The following SLC23A2 variants were observed in gnomAD, a reference collection of about 807,000 sequenced individuals.
SLC23A2 encodes the protein Na(+)/L-ascorbic acid transporter 2.
SLC23A2 carries 36 observed loss-of-function variants against 73.3 expected under a neutral mutation model. That is an observed-to-expected ratio of 0.49 (90% CI 0.38 to 0.65). The LOEUF (loss-of-function observed/expected upper bound fraction) is 0.65, where lower values mean the gene tolerates loss of function less well. Among genes scored for constraint, SLC23A2 ranks in the 30% least tolerant of loss-of-function variants. The pLI, the probability that SLC23A2 is intolerant of heterozygous loss-of-function variation, is 0.00. For synonymous variants in SLC23A2, 343 were observed against 327.3 expected (o/e 1.05, Z -0.52); for missense variants, 507 against 841.6 (o/e 0.60, Z 4.92).
chr20:4,891,712 G>A (rs1481424898), intron 6 of SLC23A2, among the ~76,000 whole-genome samples: 2 of 152,242 alleles, frequency 1.3e-5, no homozygotes, highest in Non-Finnish European at 2.9e-5. Context: ...CAGCCACTGA[G>A]TGTGGACAGG....
At chr20:5,002,552 T>C (rs191625485), upstream of SLC23A2, among the ~76,000 whole-genome samples, 2 of 152,290 alleles carry the variant, frequency 1.3e-5, no homozygotes, top group Admixed American at 6.5e-5. Context: ...TGGAGAGAAA[T>C]TGATTTTATA....
intron 13 of SLC23A2, among the ~76,000 whole-genome samples, chr20:4,864,746 T>G (rs1454042554): frequency 1.3e-5 from 2 of 152,154 alleles, no homozygotes; most frequent in Non-Finnish European, 2.9e-5. Flanking sequence ...AGAGAAAATC[T>G]GAAGAGTTGG....
intron 2 of SLC23A2, among the ~76,000 whole-genome samples, chr20:4,934,822 CA>C (rs933405832): frequency 7.9e-5 from 12 of 151,444 alleles, no homozygotes; most frequent in Non-Finnish European, 1.3e-4. Context: ...AAGATTGCGC[CA>C]TTGTACTCCA....
chr20:4,879,317 G>A (rs1482623252), intron 9 of SLC23A2, among the ~76,000 whole-genome samples: 1 of 147,480 alleles, frequency 6.8e-6, no homozygotes, highest in Admixed American at 6.9e-5. Flanking sequence ...GCTGAGGCAG[G>A]AGCATTGCTG....
chr20:4,901,509 G>A (rs16990350), intron 5 of SLC23A2, among the ~76,000 whole-genome samples: 1,745 of 152,202 alleles, frequency 0.011, 25 homozygotes, highest in Non-Finnish European at 0.014. Context: ...TCTCCAAAAC[G>A]TCCCGCGTTC....
intron 4 of SLC23A2, among the ~76,000 whole-genome samples, chr20:4,909,072 G>T (rs767071092): frequency 6.6e-6 from 1 of 152,154 alleles, no homozygotes; most frequent in Non-Finnish European, 1.5e-5. Flanking sequence ...CCTACAAGAA[G>T]GATGAAGAAA....
At chr20:4,934,785 C>T (rs537375434) in intron 2 of SLC23A2, among the ~76,000 whole-genome samples, 97 of 151,944 alleles carry the variant, frequency 6.4e-4, no homozygotes, top group African/African-American at 2.1e-3. Flanking sequence ...ATCACTCGAA[C>T]CTGGGAGCCG....
At chr20:4,917,118 T>G (rs1932353395) in intron 3 of SLC23A2, among the ~76,000 whole-genome samples, 1 of 152,056 alleles carries the variant, frequency 6.6e-6, no homozygotes, top group Non-Finnish European at 1.5e-5. Context: ...CCAGACTGAG[T>G]GCCCCGCCAA....
chr20:4,984,868 G>T (rs2087797473), intron 1 of SLC23A2, among the ~76,000 whole-genome samples: 2 of 152,172 alleles, frequency 1.3e-5, no homozygotes, highest in Non-Finnish European at 2.9e-5. Flanking sequence ...GCCAGGCATG[G>T]TGGCTCACGC....
At chr20:4,999,645 A>C (rs888592020) in intron 1 of SLC23A2, among the ~76,000 whole-genome samples, 2 of 151,328 alleles carry the variant, frequency 1.3e-5, no homozygotes, top group African/African-American at 4.9e-5. Context: ...CTCCCACCTC[A>C]GCCTCCCAAA....
At chr20:4,867,218 G>A (rs2122785706) in intron 13 of SLC23A2, among the ~76,000 whole-genome samples, 1 of 152,158 alleles carries the variant, frequency 6.6e-6, no homozygotes, top group South Asian at 2.1e-4. Context: ...ACCCGCACTG[G>A]CCTCCTTGCT....
At position 4,930,679 on chromosome 20, in the gene SLC23A2, C is replaced by T. The variant is rs6139582; in HGVS notation, c.108+1776G>A. Among the ~76,000 whole-genome samples, 693 of 152,158 alleles carry T rather than the reference C, an allele frequency of 4.6e-3. 4 individuals are homozygous for T. The highest frequency in any genetic ancestry group is 0.016 in the African/African-American group (648 of 41,536). ...ACTAAAAATACAAAAATTAGCTGGG[C>T]GTGGTGGCACATGCCTGTAGTCCCA... On this transcript the variant is annotated intron_variant, in intron 3 of 16. Coordinates refer to ENST00000338244, the MANE Select transcript of SLC23A2 (RefSeq NM_005116.6).
upstream of SLC23A2, among the ~76,000 whole-genome samples, chr20:5,002,452 A>G (rs2088141518): frequency 6.6e-6 from 1 of 152,098 alleles, no homozygotes. Context: ...AACCGTTGTC[A>G]TGGTTGCTTT....
At chr20:4,926,966 T>C (rs1415427975) in intron 3 of SLC23A2, among the ~76,000 whole-genome samples, 3 of 151,934 alleles carry the variant, frequency 2.0e-5, no homozygotes, top group Admixed American at 1.3e-4. Context: ...TGGTTACTGG[T>C]GCCCAACCAC....
intron 3 of SLC23A2, among the ~76,000 whole-genome samples, chr20:4,932,134 A>T (rs917104223): frequency 6.6e-5 from 10 of 152,210 alleles, no homozygotes; most frequent in African/African-American, 2.4e-4. Flanking sequence ...TGGGTTGCAC[A>T]TTATTTCCTA....
chr20:4,942,412 T>C (rs968560992), intron 2 of SLC23A2, among the ~76,000 whole-genome samples: 3 of 136,140 alleles, frequency 2.2e-5, no homozygotes, highest in Non-Finnish European at 4.7e-5. Context: ...TGGAAATAAA[T>C]GTAAACCTGA....
intron 12 of SLC23A2, 76 bp from the exon 13 acceptor site, chr20:4,867,951 T>C (rs1403749118): frequency 1.2e-6 from 1 of 842,096 alleles, no homozygotes; most frequent in South Asian, 1.4e-5. Context: ...CCTCTACACA[T>C]CTACAATCCA....
intron 2 of SLC23A2, among the ~76,000 whole-genome samples, chr20:4,940,851 T>G (rs1163169961): frequency 1.3e-5 from 2 of 152,110 alleles, no homozygotes; most frequent in Non-Finnish European, 2.9e-5. Context: ...AGAACTGACT[T>G]CAACAGGTTA....
At chr20:4,914,673 G>A (rs1318368144) in intron 3 of SLC23A2, among the ~76,000 whole-genome samples, 1 of 152,026 alleles carries the variant, frequency 6.6e-6, no homozygotes, top group African/African-American at 2.4e-5. Context: ...AATACTTGGG[G>A]ACAACATAAA....
Sources: allele counts gnomAD v4.1 joint callset (sites outside exome capture counted in the v4.1 genomes callset), GRCh38; gene constraint gnomAD v4.1.1; transcripts MANE v1.5; gene names NCBI Gene and HGNC (gene_info 2026-07-23, HGNC 2026-07-21).